Variants in ZNF384 observed in about 807,000 individuals in gnomAD.
ZNF384 encodes CAG repeat protein 1.
In ZNF384, 20 loss-of-function variants were observed where a neutral mutation model predicts 65.0. The ratio of observed to expected loss-of-function variants is 0.31; its 90% CI spans 0.22 to 0.45. The LOEUF (loss-of-function observed/expected upper bound fraction) is 0.45, where lower values mean the gene tolerates loss of function less well. Ranked by LOEUF, ZNF384 falls within the 20% of genes least tolerant of loss-of-function variation. ZNF384 has a pLI of 1.00. For synonymous variants in ZNF384, 310 were observed against 303.9 expected (o/e 1.02, Z -0.21); for missense variants, 549 against 769.4 (o/e 0.71, Z 3.39).
At chr12:6,682,632 C>A (rs1388645515) in intron 2 of ZNF384, among the ~76,000 whole-genome samples, 4 of 152,030 alleles carry the variant, frequency 2.6e-5, no homozygotes, top group African/African-American at 9.7e-5. Flanking sequence ...AGAGAGAAAC[C>A]CTGTCTCAAA....
intron 7 of ZNF384, among the ~76,000 whole-genome samples, chr12:6,675,543 G>A (rs1164119083): frequency 6.6e-6 from 1 of 152,166 alleles, no homozygotes; most frequent in Non-Finnish European, 1.5e-5. Flanking sequence ...AAGTAAGAGA[G>A]TCCTCTAATG....
chr12:6,667,975 C>CTGGGCT lies in ZNF384; in HGVS notation c.1560_1565dup (p.Gln526_Ala527dup), dbSNP rs765416696. 93 of 1,611,938 alleles carry CTGGGCT rather than the reference C, an allele frequency of 5.8e-5. No individual in the cohort carries two copies. In the South Asian group the frequency reaches 6.2e-4, roughly 11 times the overall value. On this transcript the variant is annotated inframe_insertion, in exon 12 of 12. Transcript: ENST00000683879. The stretch of plus-strand genomic sequence containing the variant: ...ATGCCTGGGAGGCCTGGGCCTGGGC[C>CTGGGCT]TGGGCTTGAGCCTGAGCCTGAGCCT...
rs551156374 is a variant in ZNF384 at position 6,672,908 on chromosome 12, G to A, written c.1004+308C>T. 4.5e-4 allele frequency among the ~76,000 whole-genome samples: 69 copies of A among 152,252 alleles called. No homozygotes were observed. The highest frequency in any genetic ancestry group is 7.2e-4 in the Non-Finnish European group (49 of 68,024). ...GCCTGTTCCCCATGGACCTGAAGTT[G>A]AATGCACACCTTGGCTCTGAACTGA... On this transcript the variant is annotated intron_variant, in intron 8 of 11. Transcript: ENST00000683879. This position sits in a 1 kb window ranked among gnomAD's most constrained non-coding sequence, Gnocchi z 4.4.
At chr12:6,677,545 AGAG>A (rs1297751004) in intron 6 of ZNF384, among the ~76,000 whole-genome samples, 2 of 152,226 alleles carry the variant, frequency 1.3e-5, no homozygotes, top group African/African-American at 4.8e-5. Flanking sequence ...AGGGGAACTT[AGAG>A]GAAGTGGAGA....
Position 6,678,087 on chromosome 12 carries a change from G to A in ZNF384, c.686+40C>T, listed in dbSNP as rs1414836943. ...GGGTACAGGGAGAATCACCAAGCCA[G>A]GGATCCTCGCCCCATCCTGCCCCTG... On this transcript the variant is annotated intron_variant, in intron 6 of 11. Transcript: ENST00000683879. The surrounding 1 kb of genome is among the most constrained non-coding windows in gnomAD (Gnocchi z 4.9). 3.2e-6 allele frequency: 5 copies of A among 1,565,590 alleles called. No homozygotes were observed. In the African/African-American group the frequency reaches 6.7e-5, roughly 21 times the overall value.
intron 1 of ZNF384, chr12:6,688,861 G>A (rs1277155143): frequency 6.6e-6 from 1 of 152,344 alleles, no homozygotes; most frequent in African/African-American, 2.4e-5. Flanking sequence ...CCCTTCCTTG[G>A]GACGTCCCTC....
intron 9 of ZNF384, among the ~76,000 whole-genome samples, chr12:6,671,062 A>C (rs558129089): frequency 3.9e-5 from 6 of 152,194 alleles, no homozygotes; most frequent in Admixed American, 3.3e-4. Context: ...CTGCTGGGGG[A>C]GGAGAGACTG....
At chr12:6,670,657 G>GT in intron 10 of ZNF384, 103 bp downstream of exon 10, 3 of 1,087,274 alleles carry the variant, frequency 2.8e-6, no homozygotes, top group Middle Eastern at 2.0e-4. Flanking sequence ...CCTCAATAAT[G>GT]TTTGAGTGTA....
In ZNF384 at chr12:6,668,077, C is replaced by A. The variant is rs201845505; in HGVS notation, c.1464G>T (p.Pro488=). Residue 488 remains proline, a synonymous_variant, in exon 12 of 12, where the codon CCG becomes CCT. Coordinates refer to ENST00000683879, the MANE Select transcript of ZNF384 (RefSeq NM_001385745.1). ...YLMKHMRKHN[P]PDLQQQVQAA... ...CCTGCACCTGTTGCTGAAGATCAGG[C>A]GGGTTGTGTTTGCGCATATGTTTCA... 2 of 1,609,408 alleles carry A rather than the reference C, an allele frequency of 1.2e-6. No homozygotes were observed. Among genetic ancestry groups the A allele is most frequent in the Non-Finnish European group, 8.5e-7 (1 of 1,177,124 alleles).
At chr12:6,668,429 G>A (rs1950317390) in intron 11 of ZNF384, among the ~76,000 whole-genome samples, 2 of 152,122 alleles carry the variant, frequency 1.3e-5, no homozygotes. Context: ...TGGGCCAGGT[G>A]CGGTGGCTCA....
chr12:6,666,538 G>GT lies in ZNF384; in HGVS notation c.*1175dup. The GT allele has an allele frequency of 6.4e-6, 1 of 155,610 alleles. No individual in the cohort carries two copies. The highest frequency in any genetic ancestry group is 1.4e-5 in the Non-Finnish European group (1 of 72,414). The allele number at this position is 155,610 out of a possible 1,614,324, so 9.6% of individuals were successfully genotyped here. On this transcript the variant is annotated 3_prime_UTR_variant, in exon 12 of 12. Coordinates refer to ENST00000683879, the MANE Select transcript of ZNF384 (RefSeq NM_001385745.1). Reference sequence around the variant, plus strand: ...AAAACACCCCTTGGTTTGTACATAAGTTTTTTTCTTTTTTTCTTCATTTTT... The same window carrying GT: ...AAAACACCCCTTGGTTTGTACATAAGTTTTTTTTCTTTTTTTCTTCATTTTT...
At position 6,667,305 on chromosome 12, in the gene ZNF384, CT is replaced by C; in HGVS notation, c.*408del. ...AGAGGCTGGTTGCATTTGGGGCTCC[CT>C]TTTCTCTGTTATCTGGGAGGGCCAG... On this transcript the variant is annotated 3_prime_UTR_variant, in exon 12 of 12. Transcript: ENST00000683879. 2.7e-6 allele frequency: 1 copy of C among 370,296 alleles called. No individual in the cohort carries two copies. The highest frequency in any genetic ancestry group is 3.9e-5 in the Admixed American group (1 of 25,456). 22.9% of individuals were successfully genotyped at this position (370,296 alleles called of 1,614,324 possible).
intron 2 of ZNF384, among the ~76,000 whole-genome samples, chr12:6,685,810 G>GT (rs1459335576): frequency 6.6e-6 from 1 of 150,680 alleles, no homozygotes; most frequent in Non-Finnish European, 1.5e-5. Flanking sequence ...AAGAAGGCAG[G>GT]TTTACTCTAA....
Position 6,672,624 on chromosome 12 carries a change from G to C in ZNF384, c.1005-92C>G, listed in dbSNP as rs558651751. 1.9e-5 allele frequency: 24 copies of C among 1,284,490 alleles called. No homozygotes were observed. Among genetic ancestry groups the C allele is most frequent in the Admixed American group, 4.3e-5 (2 of 46,320 alleles). The allele number at this position is 1,284,490 out of a possible 1,614,324, so 79.6% of individuals were successfully genotyped here. A position where few individuals can be genotyped will look rare whatever the true frequency, so the allele number is the denominator to read the frequency against. The stretch of plus-strand genomic sequence containing the variant: ...GCTGGGTGAAATGACGTTGCTTGAC[G>C]GATGAGAGCACCCCCTTCCTCCCTC... On this transcript the variant is annotated intron_variant, in intron 8 of 11. Coordinates refer to ENST00000683879, the MANE Select transcript of ZNF384 (RefSeq NM_001385745.1). This position sits in a 1 kb window ranked among gnomAD's most constrained non-coding sequence, Gnocchi z 4.4.
chr12:6,677,293 A>G, intron 6 of ZNF384, 34 bp from the exon 7 acceptor site: 1 of 1,296,658 alleles, frequency 7.7e-7, no homozygotes, highest in Non-Finnish European at 1.0e-6. Flanking sequence ...ATCTGGGTAC[A>G]CTAAGGAACT....
Position 6,673,414 on chromosome 12 carries a change from T to G in ZNF384, c.806A>C (p.Tyr269Ser), listed in dbSNP as rs766392210. 16 of 1,613,056 alleles carry G rather than the reference T, an allele frequency of 9.9e-6. No homozygotes were observed. The highest frequency in any genetic ancestry group is 1.2e-5 in the Non-Finnish European group (14 of 1,179,798). ...PGCRMCSLTF[Y>S]SKSEMQIHSK... ...GTGGATCTGCATCTCCGACTTGGAGTAGAATGTCAGTGAGCACATCCGGCA... is the reference window on the plus strand; with the variant it reads ...GTGGATCTGCATCTCCGACTTGGAGGAGAATGTCAGTGAGCACATCCGGCA... The change falls in exon 8 of 12, where the codon TAC (tyrosine) becomes TCC (serine). Residue 269 changes from tyrosine (Y) to serine (S), a missense_variant. This residue lies in a region of ZNF384 where 277 missense variants were observed against 337.2 expected (regional missense o/e 0.82). Coordinates refer to ENST00000683879, the MANE Select transcript of ZNF384 (RefSeq NM_001385745.1). This position sits in a 1 kb window ranked among gnomAD's most constrained non-coding sequence, Gnocchi z 4.7.
intron 7 of ZNF384, among the ~76,000 whole-genome samples, chr12:6,676,378 T>A (rs1953593143): frequency 6.6e-6 from 1 of 152,216 alleles, no homozygotes; most frequent in Non-Finnish European, 1.5e-5. Flanking sequence ...ATACAATAAG[T>A]CTCCCTTCAA....
rs767671343 is a variant in ZNF384 at position 6,677,232 on chromosome 12, A to G, written c.714T>C (p.Asn238=). The G allele has an allele frequency of 3.0e-6, 4 of 1,311,692 alleles. No individual in the cohort carries two copies. Among genetic ancestry groups the G allele is most frequent in the South Asian group, 1.2e-5 (1 of 80,742 alleles). 81.3% of individuals were successfully genotyped at this position (1,311,692 alleles called of 1,614,324 possible). ...YRSEGNCGTG[N]GQSLGLMDSV... ...AATCCATGAGCCCAAGGCTCTGTCC[A>G]TTTCCTGTGCCGCAGTTCCCTTCGC... The change falls in exon 7 of 12, where the codon AAT becomes AAC. Residue 238 remains asparagine (N), a synonymous_variant. Coordinates refer to ENST00000683879, the MANE Select transcript of ZNF384 (RefSeq NM_001385745.1).
intron 2 of ZNF384, among the ~76,000 whole-genome samples, chr12:6,684,229 A>G (rs913257802): frequency 2.0e-5 from 3 of 152,232 alleles, no homozygotes; most frequent in Non-Finnish European, 4.4e-5. Context: ...ATGTGAATCC[A>G]GGCACCAAAG....
Sources: allele counts gnomAD v4.1 joint callset (sites outside exome capture counted in the v4.1 genomes callset), GRCh38; gene constraint gnomAD v4.1.1; regional missense constraint gnomAD v4.1.1; non-coding constraint Gnocchi (gnomAD v3.1); transcripts MANE v1.5; gene names NCBI Gene and HGNC (gene_info 2026-07-23, HGNC 2026-07-21).